GLG1: variants seen among roughly 807,000 people sequenced by gnomAD.
GLG1 encodes Golgi apparatus protein 1.
A neutral mutation model predicts 160.5 loss-of-function variants in GLG1; 38 were observed. The observed-to-expected ratio is 0.24, with a 90% CI of 0.18 to 0.31. The LOEUF (loss-of-function observed/expected upper bound fraction) is 0.31. Ranked by LOEUF, GLG1 falls within the 10% of genes least tolerant of loss-of-function variation. The pLI is 1.00. For synonymous variants in GLG1, 644 were observed against 543.4 expected, an observed-to-expected ratio of 1.19 and a Z score of -2.57; for missense variants, 1,373 against 1,505.2, an observed-to-expected ratio of 0.91 and a Z score of 1.45.
At chr16:74,508,327 A>C (rs936862247) in intron 3 of GLG1, among the ~76,000 whole-genome samples, 4 of 150,966 alleles carry the variant, frequency 2.6e-5, no homozygotes, top group African/African-American at 9.7e-5. Flanking sequence ...AAAAAAAAAA[A>C]CCGTTAAAAA....
intron 25 of GLG1, among the ~76,000 whole-genome samples, chr16:74,455,419 A>G (rs1365491003): frequency 1.3e-5 from 2 of 152,198 alleles, no homozygotes; most frequent in African/African-American, 4.8e-5. Context: ...AAGCAATAAT[A>G]CACAGCTCAA....
At chr16:74,547,606 A>T (rs1473662022) in intron 1 of GLG1, among the ~76,000 whole-genome samples, 1 of 152,286 alleles carries the variant, frequency 6.6e-6, no homozygotes, top group Non-Finnish European at 1.5e-5. Context: ...GGAAGAAGCC[A>T]ATCATTAATT....
intron 1 of GLG1, among the ~76,000 whole-genome samples, chr16:74,575,961 G>A (rs2018990748): frequency 6.6e-6 from 1 of 152,056 alleles, no homozygotes; most frequent in Admixed American, 6.6e-5. Context: ...AGCACTTTGG[G>A]AGGCCAAGGT....
intron 1 of GLG1, among the ~76,000 whole-genome samples, chr16:74,554,922 G>C (rs191091983): frequency 1.3e-3 from 202 of 152,300 alleles, no homozygotes; most frequent in African/African-American, 4.8e-3. Flanking sequence ...AGACTGAGGT[G>C]TGAGGATTGC....
intron 1 of GLG1, among the ~76,000 whole-genome samples, chr16:74,581,306 C>T (rs968915757): frequency 6.6e-6 from 1 of 152,090 alleles, no homozygotes; most frequent in African/African-American, 2.4e-5. Context: ...GAATGTTATT[C>T]ACCTTTAAAA....
intron 2 of GLG1, among the ~76,000 whole-genome samples, chr16:74,513,730 C>T (rs2016886190): frequency 6.6e-6 from 1 of 152,132 alleles, no homozygotes; most frequent in African/African-American, 2.4e-5. Flanking sequence ...CAGAATGCCT[C>T]TTCTCCAAAG....
chr16:74,448,801 A>G lies in GLG1; in HGVS notation c.*4366T>C, dbSNP rs1034768316. 4.0e-5 allele frequency: 6 copies of G among 149,868 alleles called. No homozygotes were observed. The allele number at this position is 149,868 out of a possible 1,614,324, so 9.3% of individuals were successfully genotyped here. On this transcript the variant is annotated 3_prime_UTR_variant, in exon 26 of 26. Coordinates refer to ENST00000422840, the MANE Select transcript of GLG1 (RefSeq NM_001145667.2). ...GCCGGGCGTGGTGGCTCACGCCTGT[A>G]ATGCACTTTGGAAGGCCGAAGTGCA...
At chr16:74,561,251 A>C (rs1172675068) in intron 1 of GLG1, among the ~76,000 whole-genome samples, 1 of 152,212 alleles carries the variant, frequency 6.6e-6, no homozygotes, top group Non-Finnish European at 1.5e-5. Context: ...CTAGGCCTGC[A>C]CCCTCACACC....
Position 74,503,744 on chromosome 16 carries a change from A to C in GLG1, c.561T>G (p.Ile187Met). 1 of 1,597,038 alleles carries C rather than the reference A, an allele frequency of 6.3e-7. No individual in the cohort carries two copies. Among genetic ancestry groups the C allele is most frequent in the South Asian group, 1.1e-5 (1 of 90,690 alleles). Reference sequence around the variant, plus strand: ...CAACCGGTTCATCAGCACATTCTTTAATCTGCTCAAAATAAAGTAGCTGTT... The same window carrying C: ...CAACCGGTTCATCAGCACATTCTTTCATCTGCTCAAAATAAAGTAGCTGTT... The part of the protein sequence containing the change: ...REVCKSTITE[I>M]KECADEPVGK... The change falls in exon 4 of 26, where the codon ATT becomes ATG. Residue 187 changes from isoleucine to methionine, a missense_variant and splice_region_variant. Physicochemically the swap from Ile to Met is conservative, Grantham distance 10. Transcript: ENST00000422840.
chr16:74,552,185 G>C (rs1318792341), intron 1 of GLG1: 1 of 397,368 alleles, frequency 2.5e-6, no homozygotes, highest in East Asian at 6.1e-5. Context: ...TCCTGACTTG[G>C]AAGATGCGAT....
intron 19 of GLG1, among the ~76,000 whole-genome samples, chr16:74,464,521 GTT>G (rs1186147485): frequency 6.6e-6 from 1 of 152,248 alleles, no homozygotes; most frequent in Admixed American, 6.5e-5. Flanking sequence ...ATAAACTCTG[GTT>G]GAGACACTTG....
At chr16:74,599,367 G>A (rs1042026218) in intron 1 of GLG1, among the ~76,000 whole-genome samples, 3 of 152,116 alleles carry the variant, frequency 2.0e-5, no homozygotes, top group African/African-American at 4.8e-5. Flanking sequence ...TCTTGCACAC[G>A]TTTTGTATTC....
intron 3 of GLG1, among the ~76,000 whole-genome samples, chr16:74,504,068 C>T (rs976283494): frequency 3.9e-5 from 6 of 152,188 alleles, no homozygotes; most frequent in African/African-American, 1.2e-4. Flanking sequence ...TTAACATCTA[C>T]AGCTTTGGCA....
At chr16:74,471,621 T>C (rs1156691421) in intron 14 of GLG1, among the ~76,000 whole-genome samples, 1 of 152,136 alleles carries the variant, frequency 6.6e-6, no homozygotes, top group African/African-American at 2.4e-5. Context: ...ACAATTTAAA[T>C]AGTTCAGTAA....
intron 1 of GLG1, among the ~76,000 whole-genome samples, chr16:74,546,342 C>T (rs560858876): frequency 6.6e-6 from 1 of 151,330 alleles, no homozygotes; most frequent in Non-Finnish European, 1.5e-5. Flanking sequence ...GGGTGGGGGG[C>T]GCTGAGGTGG....
intron 1 of GLG1, among the ~76,000 whole-genome samples, chr16:74,560,326 C>CTTTTT (rs66983409): frequency 3.4e-5 from 4 of 118,384 alleles, no homozygotes; most frequent in South Asian, 2.8e-4. Flanking sequence ...CAGTTTTTGT[C>CTTTTT]TTTTTTTTTT....
intron 3 of GLG1, among the ~76,000 whole-genome samples, chr16:74,505,746 T>G (rs1167385483): frequency 6.6e-6 from 1 of 152,108 alleles, no homozygotes; most frequent in East Asian, 1.9e-4. Context: ...TCCCAGCTAC[T>G]TGGAAGGCTG....
At chr16:74,606,630 C>T (rs377683497) in intron 1 of GLG1, 27 bp downstream of exon 1, 2 of 1,532,018 alleles carry the variant, frequency 1.3e-6, no homozygotes, top group African/African-American at 1.4e-5. Context: ...CAGGCCTGGC[C>T]CTCCCGGCTT....
intron 1 of GLG1, among the ~76,000 whole-genome samples, chr16:74,573,816 C>T (rs1282183207): frequency 1.3e-5 from 2 of 148,764 alleles, no homozygotes; most frequent in Admixed American, 6.8e-5. Flanking sequence ...TTTTTTTAAA[C>T]GGGGTCTCAC....
Sources: gnomAD v4.1 joint callset for allele counts (sites outside exome capture counted in the v4.1 genomes callset) on GRCh38, gnomAD v4.1.1 for gene constraint, MANE v1.5 for transcripts, NCBI Gene and HGNC (gene_info 2026-07-23, HGNC 2026-07-21) for gene names.